VPS26C: variants seen among roughly 807,000 people sequenced by gnomAD.
VPS26C encodes the protein VPS26 endosomal protein sorting factor C, also known as vacuolar protein sorting-associated protein 26C.
A neutral mutation model predicts 30.6 loss-of-function variants in VPS26C; 19 were observed. The ratio of observed to expected loss-of-function variants is 0.62; its 90% CI spans 0.43 to 0.91. The LOEUF (loss-of-function observed/expected upper bound fraction) is 0.91. Ranked by LOEUF, VPS26C falls within the 40% of genes least tolerant of loss-of-function variation. VPS26C has a pLI of 0.00. For missense variants in VPS26C, 318 were observed against 385.1 expected (o/e 0.83, Z 1.46); for synonymous variants, 132 against 151.5 (o/e 0.87, Z 0.95).
intron 1 of VPS26C, among the ~76,000 whole-genome samples, chr21:37,264,452 C>A (rs2086338442): frequency 6.6e-6 from 1 of 152,270 alleles, no homozygotes; most frequent in East Asian, 1.9e-4. Flanking sequence ...CTGCTTGTGT[C>A]TTTTCTAATG....
chr21:37,265,779 CTG>C (rs1189624786), intron 1 of VPS26C, among the ~76,000 whole-genome samples: 5 of 152,054 alleles, frequency 3.3e-5, no homozygotes, highest in Admixed American at 3.3e-4. Flanking sequence ...GTGGCCTTCT[CTG>C]TGCATCATGC....
intron 1 of VPS26C, among the ~76,000 whole-genome samples, chr21:37,256,257 T>C (rs1164137431): frequency 6.6e-6 from 1 of 152,186 alleles, no homozygotes; most frequent in African/African-American, 2.4e-5. Context: ...CAACATCCTA[T>C]AACTAATACT....
At chr21:37,259,787 T>C (rs905391446) in intron 1 of VPS26C, among the ~76,000 whole-genome samples, 1 of 152,120 alleles carries the variant, frequency 6.6e-6, no homozygotes, top group Non-Finnish European at 1.5e-5. Context: ...TGGGCACATA[T>C]TTGACAATCT....
At chr21:37,250,250 A>G (rs2086178161) in intron 1 of VPS26C, among the ~76,000 whole-genome samples, 1 of 152,044 alleles carries the variant, frequency 6.6e-6, no homozygotes, top group South Asian at 2.1e-4. Context: ...GGTTGCAGTG[A>G]GCTGAGATCA....
At chr21:37,241,294 C>T (rs1206431543) in intron 1 of VPS26C, among the ~76,000 whole-genome samples, 1 of 152,174 alleles carries the variant, frequency 6.6e-6, no homozygotes, top group Non-Finnish European at 1.5e-5. Flanking sequence ...CCTTGGTTCA[C>T]ACATCATCGA....
At chr21:37,237,334 A>T (rs1197038463) in intron 3 of VPS26C, 1 of 152,232 alleles carries the variant, frequency 6.6e-6, no homozygotes, top group Non-Finnish European at 1.5e-5. Context: ...CTGGGTAGAT[A>T]ATAAAAATAA....
At chr21:37,243,233 T>G (rs1247450768) in intron 1 of VPS26C, among the ~76,000 whole-genome samples, 1 of 152,136 alleles carries the variant, frequency 6.6e-6, no homozygotes, top group Non-Finnish European at 1.5e-5. Flanking sequence ...TGGCTCCAGA[T>G]AGTACTAATA....
In VPS26C at chr21:37,240,561, T is replaced by C. The variant is rs2086075621; in HGVS notation, c.136A>G (p.Thr46Ala). The C allele has an allele frequency of 1.9e-6, 3 of 1,614,214 alleles. No homozygotes were observed. ...TTGGCACTGAGCTGGAGGTTTACAG[T>C]TCCTTCCATGGTCAAAGACACTCCC... ...HQGVSLTMEG[T>A]VNLQLSAKSV... The change falls in exon 2 of 8, where the codon ACT (threonine) becomes GCT (alanine). Residue 46 changes from threonine to alanine, a missense_variant. Thr to Ala is a moderately conservative substitution (Grantham distance 58). Coordinates refer to ENST00000309117, the MANE Select transcript of VPS26C (RefSeq NM_006052.2).
At chr21:37,245,523 C>G (rs559372883) in intron 1 of VPS26C, among the ~76,000 whole-genome samples, 56 of 152,266 alleles carry the variant, frequency 3.7e-4, no homozygotes, top group Middle Eastern at 6.8e-3. Flanking sequence ...CTACTCCCTC[C>G]CTAGCACTCA....
chr21:37,265,910 CTTTTTT>C (rs59649054), intron 1 of VPS26C, among the ~76,000 whole-genome samples: 2 of 77,220 alleles, frequency 2.6e-5, no homozygotes, highest in Admixed American at 1.7e-4. Context: ...AGCTTTTTCT[CTTTTTT>C]TTTTTTTTTT....
Position 37,223,796 on chromosome 21 carries a change from C to G in VPS26C, c.*1748G>C, listed in dbSNP as rs1007287361. ...TGTCACCAAACACTGTTTCAGGATA[C>G]TGGAAGTACATACAGCTTGGGAGGT... On this transcript the variant is annotated 3_prime_UTR_variant, in exon 8 of 8. Coordinates refer to ENST00000309117, the MANE Select transcript of VPS26C (RefSeq NM_006052.2). 2.0e-5 allele frequency: 3 copies of G among 152,236 alleles called. No individual in the cohort carries two copies. Among genetic ancestry groups the G allele is most frequent in the Non-Finnish European group, 2.9e-5 (2 of 68,046 alleles). The allele number at this position is 152,236 out of a possible 1,614,324, so 9.4% of individuals were successfully genotyped here.
intron 3 of VPS26C, among the ~76,000 whole-genome samples, chr21:37,237,979 GT>G (rs2086042426): frequency 6.6e-6 from 1 of 152,182 alleles, no homozygotes; most frequent in Non-Finnish European, 1.5e-5. Flanking sequence ...TGTCAAAGAC[GT>G]CCCTTAACCA....
At chr21:37,238,967 C>T (rs1401638199) in intron 2 of VPS26C, among the ~76,000 whole-genome samples, 3 of 152,212 alleles carry the variant, frequency 2.0e-5, no homozygotes, top group Admixed American at 6.5e-5. Flanking sequence ...ACAGGGTTGA[C>T]GTGTGAACCC....
chr21:37,247,051 G>A (rs2086144386), intron 1 of VPS26C, among the ~76,000 whole-genome samples: 1 of 152,164 alleles, frequency 6.6e-6, no homozygotes, highest in Admixed American at 6.5e-5. Context: ...CACTGCACCT[G>A]GTCTACACTT....
intron 3 of VPS26C, among the ~76,000 whole-genome samples, chr21:37,236,904 A>G (rs1462198349): frequency 6.6e-6 from 1 of 152,208 alleles, no homozygotes; most frequent in African/African-American, 2.4e-5. Flanking sequence ...GTAGCCTCCA[A>G]TGTACACACA....
At chr21:37,261,326 T>C (rs978568056) in intron 1 of VPS26C, 1 of 152,220 alleles carries the variant, frequency 6.6e-6, no homozygotes, top group Non-Finnish European at 1.5e-5. Context: ...CCTTTTAAGG[T>C]ATTGCTCAAG....
chr21:37,252,869 C>G (rs892575894), intron 1 of VPS26C, among the ~76,000 whole-genome samples: 1 of 152,150 alleles, frequency 6.6e-6, no homozygotes, highest in African/African-American at 2.4e-5. Context: ...ACGTGACATT[C>G]TGGAAAAAGC....
At chr21:37,251,092 C>T (rs376172681) in intron 1 of VPS26C, among the ~76,000 whole-genome samples, 1 of 152,050 alleles carries the variant, frequency 6.6e-6, no homozygotes, top group Admixed American at 6.6e-5. Flanking sequence ...AATGTCATTA[C>T]ATTGTGTTGC....
intron 1 of VPS26C, among the ~76,000 whole-genome samples, chr21:37,251,657 C>T (rs144905086): frequency 1.3e-5 from 2 of 152,196 alleles, no homozygotes; most frequent in African/African-American, 2.4e-5. Flanking sequence ...CAGGGGGTAT[C>T]GATCTTGAAA....
Sources: allele counts gnomAD v4.1 joint callset (sites outside exome capture counted in the v4.1 genomes callset), GRCh38; gene constraint gnomAD v4.1.1; transcripts MANE v1.5; gene names NCBI Gene and HGNC (gene_info 2026-07-23, HGNC 2026-07-21).